The following JAKMIP1 variants were observed in gnomAD, a reference collection of about 807,000 sequenced individuals.
JAKMIP1 encodes the protein janus kinase and microtubule interacting protein 1, also known as janus kinase and microtubule-interacting protein 1.
JAKMIP1 carries 33 observed loss-of-function variants against 113.0 expected under a neutral mutation model. The observed-to-expected ratio is 0.29, with a 90% CI of 0.22 to 0.39. JAKMIP1 has a LOEUF of 0.39. Among genes scored for constraint, JAKMIP1 ranks in the 10% least tolerant of loss-of-function variants. The probability of loss-of-function intolerance (pLI) is 1.00; values close to 1 mark genes in which losing one functional copy is unlikely to be tolerated. For missense variants in JAKMIP1, 813 were observed against 1,080.5 expected, an observed-to-expected ratio of 0.75 and a Z score of 3.47; for synonymous variants, 480 against 459.9, an observed-to-expected ratio of 1.04 and a Z score of -0.56.
At chr4:6,128,557 C>T (rs1423475419) in intron 1 of JAKMIP1, among the ~76,000 whole-genome samples, 3 of 130,204 alleles carry the variant, frequency 2.3e-5, no homozygotes, top group Non-Finnish European at 5.2e-5. Flanking sequence ...TGTGCTTCTT[C>T]AAGTGGAAAA....
chr4:6,121,976 A>T (rs1716780706), intron 1 of JAKMIP1, among the ~76,000 whole-genome samples: 1 of 152,252 alleles, frequency 6.6e-6, no homozygotes, highest in African/African-American at 2.4e-5. Flanking sequence ...TAATGTGTAT[A>T]TATACTGCAT....
At chr4:6,098,542 AAGAAAAAGAAAGAAAG>A (rs1560179799) in intron 3 of JAKMIP1, among the ~76,000 whole-genome samples, 2 of 35,546 alleles carry the variant, frequency 5.6e-5, no homozygotes, top group Non-Finnish European at 1.3e-4. Flanking sequence ...GAGAGAGAGA[AAGAAAAAGAAAGAAAG>A]AAAGAAAGAA....
At position 6,081,385 on chromosome 4, in the gene JAKMIP1, A is replaced by G. The variant is rs1400957986; in HGVS notation, c.1101+224T>C. Among the ~76,000 whole-genome samples, 3 of 152,190 alleles carry G rather than the reference A, an allele frequency of 2.0e-5. No individual in the cohort carries two copies. The highest frequency in any genetic ancestry group is 4.4e-5 in the Non-Finnish European group (3 of 68,040). On this transcript the variant is annotated intron_variant, in intron 6 of 20. Transcript: ENST00000409021. This position sits in a 1 kb window ranked among gnomAD's most constrained non-coding sequence, Gnocchi z 4.6. ...GAGAGAATGGGGGATGTGTTTAAGG[A>G]CACAGCTGTCTGACTCCCTCTGGGC...
At chr4:6,131,801 T>C (rs1301697963) in intron 1 of JAKMIP1, among the ~76,000 whole-genome samples, 2 of 152,204 alleles carry the variant, frequency 1.3e-5, no homozygotes, top group African/African-American at 4.8e-5. Context: ...AGGGAAATAC[T>C]TAAAGTGATG....
In JAKMIP1 at chr4:6,188,395, T is replaced by C. The variant is rs887950145; in HGVS notation, c.-148+11858A>G. Among the ~76,000 whole-genome samples, 3 of 152,338 alleles carry C rather than the reference T, an allele frequency of 2.0e-5. No homozygotes were observed. The East Asian group carries it at 5.8e-4, about 29-fold the overall frequency. On this transcript the variant is annotated intron_variant, in intron 1 of 20. Coordinates refer to ENST00000409021, the MANE Select transcript of JAKMIP1 (RefSeq NM_001099433.2). The surrounding 1 kb of genome is among the most constrained non-coding windows in gnomAD (Gnocchi z 5.8). ...CTGTGGCACTGTTCTCACAGACACC[T>C]GCACAGGAGGTTCTGATAAGGAGAG...
chr4:6,035,937 C>A lies in JAKMIP1; in HGVS notation c.2346G>T (p.Arg782=). ...CCTGCTGCAGCAGCTCCATGCGCTC[C>A]CGCAGGATCTGGCTGTCGAACTCGC... ...QSREFDSQIL[R]ERMELLQQAQ... The change falls in exon 19 of 21, where the codon CGG becomes CGT. Residue 782 remains arginine, a synonymous_variant. Transcript: ENST00000409021. The A allele has an allele frequency of 3.2e-6, 5 of 1,551,256 alleles. No homozygotes were observed. Among genetic ancestry groups the A allele is most frequent in the Non-Finnish European group, 3.5e-6 (4 of 1,146,944 alleles).
rs139683988 is a variant in JAKMIP1, at chr4:6,040,161, C to T, written c.2175+478G>A. 1.5e-3 allele frequency among the ~76,000 whole-genome samples: 230 copies of T among 152,298 alleles called. 1 individual carries two copies. The highest frequency in any genetic ancestry group is 4.8e-3 in the African/African-American group (201 of 41,568). ...TCCCACTGTATTTTAATCACCAGGA[C>T]GCCCAGAATCAATTTTGCAACCCAA... On this transcript the variant is annotated intron_variant, in intron 18 of 20. Coordinates refer to ENST00000409021, the MANE Select transcript of JAKMIP1 (RefSeq NM_001099433.2). The surrounding 1 kb of genome is among the most constrained non-coding windows in gnomAD (Gnocchi z 5.8).
chr4:6,094,495 G>A lies in JAKMIP1; in HGVS notation c.625-8866C>T, dbSNP rs1053086977. ...GGAGTAAACAAACCTACCAACCTCCGGGGCCCCTGGGGTCTCAGGAACTGC... is the reference window on the plus strand; with the variant it reads ...GGAGTAAACAAACCTACCAACCTCCAGGGCCCCTGGGGTCTCAGGAACTGC... On this transcript the variant is annotated intron_variant, in intron 3 of 20. Coordinates refer to ENST00000409021, the MANE Select transcript of JAKMIP1 (RefSeq NM_001099433.2). The surrounding 1 kb of genome is among the most constrained non-coding windows in gnomAD (Gnocchi z 4.2). Among the ~76,000 whole-genome samples the A allele has an allele frequency of 5.9e-5, 9 of 152,220 alleles. No individual in the cohort carries two copies. The highest frequency in any genetic ancestry group is 1.9e-4 in the East Asian group (1 of 5,146).
rs58790291 is a variant in JAKMIP1 at position 6,047,628 on chromosome 4, G to A, written c.2028+1229C>T. On this transcript the variant is annotated intron_variant, in intron 16 of 20. Transcript: ENST00000409021. ...GACCTTGGGCAAGGTTTGGCCATAA[G>A]TCTTGTTACCAACATTTAGTATCCT... 4.8e-3 allele frequency among the ~76,000 whole-genome samples: 733 copies of A among 152,326 alleles called. 4 individuals carry two copies. Among genetic ancestry groups the A allele is most frequent in the African/African-American group, 0.017 (690 of 41,564 alleles).
Position 6,162,057 on chromosome 4 carries a change from T to C in JAKMIP1, c.-148+38196A>G, listed in dbSNP as rs1189390311. ...GCCGAGCAGGAAGGAAAGGGGTGGA[T>C]TGCACAGGCCAGCCATGAGCTCAGG... is the stretch of plus-strand genomic sequence containing the variant. On this transcript the variant is annotated intron_variant, in intron 1 of 20. Transcript: ENST00000409021. This position sits in a 1 kb window ranked among gnomAD's most constrained non-coding sequence, Gnocchi z 5.6. Among the ~76,000 whole-genome samples the C allele has an allele frequency of 6.6e-6, 1 of 150,502 alleles. No homozygotes were observed. The highest frequency in any genetic ancestry group is 1.5e-5 in the Non-Finnish European group (1 of 67,982).
rs1330523910 is a variant in JAKMIP1 at position 6,179,828 on chromosome 4, A to G, written c.-148+20425T>C. Among the ~76,000 whole-genome samples the G allele has an allele frequency of 1.3e-5, 2 of 152,252 alleles. No individual in the cohort carries two copies. Among genetic ancestry groups the G allele is most frequent in the African/African-American group, 4.8e-5 (2 of 41,462 alleles). On this transcript the variant is annotated intron_variant, in intron 1 of 20. Transcript: ENST00000409021. The surrounding 1 kb of genome is among the most constrained non-coding windows in gnomAD (Gnocchi z 4.5). The stretch of plus-strand genomic sequence containing the variant: ...GGTAGCAATATTATCCCCATATGAC[A>G]GATAAGGAAACTGAGGCTCAAAGAG...
chr4:6,152,898 G>A (rs1038506902), intron 1 of JAKMIP1, among the ~76,000 whole-genome samples: 1 of 151,310 alleles, frequency 6.6e-6, no homozygotes, highest in Non-Finnish European at 1.5e-5. Context: ...TTGAACCCAG[G>A]AGGCGGAGGT....
At position 6,142,786 on chromosome 4, in the gene JAKMIP1, C is replaced by A. The variant is rs1328871243; in HGVS notation, c.-147-29789G>T. 6.6e-6 allele frequency among the ~76,000 whole-genome samples: 1 copy of A among 152,182 alleles called. No individual in the cohort carries two copies. The highest frequency in any genetic ancestry group is 2.4e-5 in the African/African-American group (1 of 41,454). ...CATGAAGGCAGAGCTGGTTATGTGG[C>A]AGATCCTCCCAGGGGTACAAATGGC... On this transcript the variant is annotated intron_variant, in intron 1 of 20. Transcript: ENST00000409021. The surrounding 1 kb of genome is among the most constrained non-coding windows in gnomAD (Gnocchi z 5.5).
chr4:6,080,400 G>A lies in JAKMIP1; in HGVS notation c.1102-88C>T. On this transcript the variant is annotated intron_variant, in intron 6 of 20. Coordinates refer to ENST00000409021, the MANE Select transcript of JAKMIP1 (RefSeq NM_001099433.2). The surrounding 1 kb of genome is among the most constrained non-coding windows in gnomAD (Gnocchi z 6.0). ...TGCTGGAGTGGAGCTCAGGGGTGCA[G>A]GGACAGAAGGATGGATGGGAGGATG... 2.1e-6 allele frequency: 3 copies of A among 1,459,314 alleles called. No homozygotes were observed. The highest frequency in any genetic ancestry group is 2.8e-6 in the Non-Finnish European group (3 of 1,073,374). 90.4% of individuals were successfully genotyped at this position (1,459,314 alleles called of 1,614,324 possible).
Position 6,031,178 on chromosome 4 carries a change from A to G in JAKMIP1, c.2380-1397T>C, listed in dbSNP as rs1189532025. Among the ~76,000 whole-genome samples the G allele has an allele frequency of 2.0e-5, 3 of 152,194 alleles. No individual in the cohort carries two copies. Among genetic ancestry groups the G allele is most frequent in the African/African-American group, 7.2e-5 (3 of 41,446 alleles). Reference sequence around the variant, plus strand: ...CTGGGCACGGTGGCTCAAGCCTGTAATCCCAGCACTTTTGGAGGCCGAGGC... The same window carrying G: ...CTGGGCACGGTGGCTCAAGCCTGTAGTCCCAGCACTTTTGGAGGCCGAGGC... On this transcript the variant is annotated intron_variant, in intron 19 of 20. Transcript: ENST00000409021. This position sits in a 1 kb window ranked among gnomAD's most constrained non-coding sequence, Gnocchi z 4.4.
intron 20 of JAKMIP1, among the ~76,000 whole-genome samples, chr4:6,026,710 A>G (rs1711867474): frequency 1.3e-5 from 2 of 151,510 alleles, no homozygotes; most frequent in South Asian, 4.2e-4. Flanking sequence ...AATTCCACTC[A>G]AGGTCACCCA....
intron 19 of JAKMIP1, among the ~76,000 whole-genome samples, chr4:6,033,975 T>C (rs1460350895): frequency 6.6e-6 from 1 of 152,086 alleles, no homozygotes; most frequent in Admixed American, 6.5e-5. Context: ...AGGGTCACTT[T>C]GTGGCTAGCT....
At chr4:6,035,776 A>C in intron 19 of JAKMIP1, 128 bp downstream of exon 19, 1 of 787,912 alleles carries the variant, frequency 1.3e-6, no homozygotes, top group Non-Finnish European at 2.0e-6. Flanking sequence ...GCTTCTTGGA[A>C]ACTTGCTTTA....
intron 13 of JAKMIP1, among the ~76,000 whole-genome samples, chr4:6,052,376 G>T (rs868012502): frequency 1.3e-5 from 2 of 152,118 alleles, no homozygotes; most frequent in Admixed American, 6.5e-5. Flanking sequence ...GCCGGGCATG[G>T]TAGCTTATAC....
Sources: gnomAD v4.1 joint callset for allele counts (sites outside exome capture counted in the v4.1 genomes callset) on GRCh38, gnomAD v4.1.1 for gene constraint, Gnocchi (gnomAD v3.1) non-coding constraint, MANE v1.5 for transcripts, NCBI Gene and HGNC (gene_info 2026-07-23, HGNC 2026-07-21) for gene names.